Variants in TBC1D5 observed in about 807,000 individuals in gnomAD.
TBC1D5 encodes the protein TBC1 domain family, member 5.
TBC1D5 carries 75 observed loss-of-function variants against 100.3 expected under a neutral mutation model. The ratio of observed to expected loss-of-function variants is 0.75; its 90% CI spans 0.62 to 0.91. TBC1D5 has a LOEUF of 0.91. Among genes scored for constraint, TBC1D5 ranks in the 40% least tolerant of loss-of-function variants. TBC1D5 has a pLI of 0.00. For synonymous variants in TBC1D5, 323 were observed against 325.6 expected (o/e 0.99, Z 0.09); for missense variants, 910 against 942.4 (o/e 0.97, Z 0.45).
intron 15 of TBC1D5, among the ~76,000 whole-genome samples, chr3:17,289,026 A>T (rs964751917): frequency 1.3e-5 from 2 of 152,186 alleles, no homozygotes; most frequent in Non-Finnish European, 2.9e-5. Context: ...ATGCTGTAAC[A>T]TCCCCTCTGG....
intron 1 of TBC1D5, among the ~76,000 whole-genome samples, chr3:17,701,588 T>G (rs371125170): frequency 6.6e-6 from 1 of 152,002 alleles, no homozygotes. Context: ...TGAGCCAAGA[T>G]AGCGCCACTG....
At chr3:17,263,301 A>G (rs2078508105) in intron 15 of TBC1D5, among the ~76,000 whole-genome samples, 1 of 144,586 alleles carries the variant, frequency 6.9e-6, no homozygotes, top group South Asian at 2.4e-4. Context: ...GGGAGGAGGA[A>G]GTTGCAGTGA....
chr3:17,505,010 T>C (rs2095829708), intron 3 of TBC1D5, among the ~76,000 whole-genome samples: 1 of 152,174 alleles, frequency 6.6e-6, no homozygotes, highest in African/African-American at 2.4e-5. Flanking sequence ...AAAACAAAAT[T>C]ATAGGAAGCA....
At chr3:17,455,192 GTA>G (rs906425147) in intron 3 of TBC1D5, among the ~76,000 whole-genome samples, 2 of 141,902 alleles carry the variant, frequency 1.4e-5, no homozygotes, top group Admixed American at 1.4e-4. Context: ...ACGTGTGTGT[GTA>G]TATATATGTA....
At chr3:17,706,405 CT>C (rs1177656088) in intron 1 of TBC1D5, among the ~76,000 whole-genome samples, 1 of 146,670 alleles carries the variant, frequency 6.8e-6, no homozygotes, top group Non-Finnish European at 1.5e-5. Context: ...TGATTGTCTC[CT>C]AGAATCAACT....
At chr3:17,383,860 C>G (rs1413393116) in intron 9 of TBC1D5, 53 bp downstream of exon 9, 19 of 1,379,152 alleles carry the variant, frequency 1.4e-5, no homozygotes, top group Non-Finnish European at 1.6e-5. Context: ...ATTTGTCAAG[C>G]TGTATAGAAA....
chr3:17,595,880 T>C (rs2060529129), intron 2 of TBC1D5, among the ~76,000 whole-genome samples: 2 of 152,176 alleles, frequency 1.3e-5, no homozygotes, highest in Non-Finnish European at 2.9e-5. Context: ...CCTACCTTGC[T>C]AGAAGTGTTA....
intron 2 of TBC1D5, among the ~76,000 whole-genome samples, chr3:17,513,287 G>A (rs1286541535): frequency 5.3e-5 from 8 of 151,338 alleles, no homozygotes; most frequent in East Asian, 1.9e-4. Flanking sequence ...AGCCAAGATC[G>A]TGCCACTGCA....
At chr3:17,715,074 T>C (rs1447134678) in intron 1 of TBC1D5, among the ~76,000 whole-genome samples, 1 of 152,244 alleles carries the variant, frequency 6.6e-6, no homozygotes, top group Admixed American at 6.5e-5. Flanking sequence ...TACATTAAAA[T>C]GAATTTGTAA....
At chr3:17,181,330 G>A (rs1472670352) in intron 19 of TBC1D5, among the ~76,000 whole-genome samples, 3 of 152,116 alleles carry the variant, frequency 2.0e-5, no homozygotes, top group Non-Finnish European at 2.9e-5. Context: ...TCAGCTCTAC[G>A]GCCATGGGCT....
At chr3:17,674,049 G>C (rs2068307520) in intron 1 of TBC1D5, among the ~76,000 whole-genome samples, 1 of 151,950 alleles carries the variant, frequency 6.6e-6, no homozygotes, top group Non-Finnish European at 1.5e-5. Flanking sequence ...CTTCATTAGT[G>C]AGTTAAGTTC....
Position 17,191,836 on chromosome 3 carries a change from C to T in TBC1D5, c.1753-6628G>A, listed in dbSNP as rs79458969. On this transcript the variant is annotated intron_variant, in intron 18 of 21. Transcript: ENST00000253692. ...ATGGGGTTTCACTATGTTGGTCAGGCTGGTCACAAACTCCTGCCCTCAAGT... is the reference window on the plus strand; with the variant it reads ...ATGGGGTTTCACTATGTTGGTCAGGTTGGTCACAAACTCCTGCCCTCAAGT... Among the ~76,000 whole-genome samples the T allele has an allele frequency of 9.2e-5, 14 of 151,908 alleles. No individual in the cohort carries two copies. The East Asian group carries it at 2.7e-3, about 29-fold the overall frequency.
At chr3:17,694,669 G>C (rs572815962) in intron 1 of TBC1D5, among the ~76,000 whole-genome samples, 18 of 152,310 alleles carry the variant, frequency 1.2e-4, no homozygotes, top group African/African-American at 3.8e-4. Flanking sequence ...TTGGAAAACA[G>C]TCTTCAGGAT....
At chr3:17,487,200 C>T (rs2095580137) in intron 3 of TBC1D5, among the ~76,000 whole-genome samples, 1 of 152,002 alleles carries the variant, frequency 6.6e-6, no homozygotes, top group African/African-American at 2.4e-5. Context: ...ACTATTTGGC[C>T]ATATAAGAAA....
At chr3:17,384,751 A>T (rs1331799568) in intron 8 of TBC1D5, among the ~76,000 whole-genome samples, 7 of 152,096 alleles carry the variant, frequency 4.6e-5, no homozygotes, top group Non-Finnish European at 1.0e-4. Flanking sequence ...AGAATGCAGC[A>T]TAACATGGTA....
chr3:17,696,466 A>G (rs926465562), intron 1 of TBC1D5, among the ~76,000 whole-genome samples: 3 of 152,238 alleles, frequency 2.0e-5, no homozygotes, highest in African/African-American at 4.8e-5. Flanking sequence ...AGGATACTAT[A>G]AACACCTCTA....
chr3:17,158,808 A>C (rs1459074358), exon 22 of TBC1D5: 1 of 152,240 alleles, frequency 6.6e-6, no homozygotes, highest in Non-Finnish European at 1.5e-5. Context: ...GCTCTAGGGC[A>C]AAGGAAATAC....
At chr3:17,210,822 T>C (rs2072892549) in intron 18 of TBC1D5, among the ~76,000 whole-genome samples, 1 of 152,270 alleles carries the variant, frequency 6.6e-6, no homozygotes, top group African/African-American at 2.4e-5. Context: ...AAAAAATTTC[T>C]GGGCCAGTTC....
intron 9 of TBC1D5, among the ~76,000 whole-genome samples, chr3:17,380,181 T>A (rs1337222709): frequency 1.3e-5 from 2 of 151,616 alleles, no homozygotes; most frequent in Admixed American, 6.6e-5. Context: ...ACTTAGTATA[T>A]CCACATAGTG....
Sources: gnomAD v4.1 joint callset for allele counts (sites outside exome capture counted in the v4.1 genomes callset) on GRCh38, gnomAD v4.1.1 for gene constraint, MANE v1.5 for transcripts, NCBI Gene and HGNC (gene_info 2026-07-23, HGNC 2026-07-21) for gene names.